ERBB4: variants seen among roughly 807,000 people sequenced by gnomAD.
ERBB4 encodes the protein erb-b2 receptor tyrosine kinase 4.
A neutral mutation model predicts 158.0 loss-of-function variants in ERBB4; 42 were observed. The ratio of observed to expected loss-of-function variants is 0.27; its 90% CI spans 0.21 to 0.34. ERBB4 has a LOEUF of 0.34. ERBB4 is among the 10% of genes least tolerant of loss of function. ERBB4 has a pLI of 1.00. For missense variants in ERBB4, 1,333 were observed against 1,624.1 expected (o/e 0.82, Z 3.08); for synonymous variants, 583 against 558.7 (o/e 1.04, Z -0.61).
intron 2 of ERBB4, among the ~76,000 whole-genome samples, chr2:211,969,743 T>C (rs2125197147): frequency 6.6e-6 from 1 of 152,198 alleles, no homozygotes; most frequent in South Asian, 2.1e-4. Flanking sequence ...AGTGGTAATA[T>C]TCCCATTGTC....
chr2:212,105,496 C>T (rs1299910276), intron 2 of ERBB4, among the ~76,000 whole-genome samples: 2 of 152,146 alleles, frequency 1.3e-5, no homozygotes, highest in Non-Finnish European at 2.9e-5. Context: ...CTTTAGCAAT[C>T]ACGCTTTTTC....
rs537300004 is a variant in ERBB4, at chr2:212,334,753, A to G, written c.82+203696T>C. Among the ~76,000 whole-genome samples, 90 of 152,168 alleles carry G rather than the reference A, an allele frequency of 5.9e-4. No homozygotes were observed. In the South Asian group the frequency reaches 7.2e-3, roughly 12 times the overall value. On this transcript the variant is annotated intron_variant, in intron 1 of 27. Coordinates refer to ENST00000342788, the MANE Select transcript of ERBB4 (RefSeq NM_005235.3). ...CTCTCAAGATTCATATTTATTAAAA[A>G]TCTGATGCCAATGAATTTAGATAAT...
intron 2 of ERBB4, among the ~76,000 whole-genome samples, chr2:211,954,208 C>A (rs1034808584): frequency 4.6e-5 from 7 of 151,966 alleles, no homozygotes; most frequent in African/African-American, 1.7e-4. Context: ...AATGTTTCTT[C>A]ATTTACCTTA....
intron 1 of ERBB4, among the ~76,000 whole-genome samples, chr2:212,513,097 TAA>T (rs1691618037): frequency 6.6e-6 from 1 of 152,242 alleles, no homozygotes; most frequent in Non-Finnish European, 1.5e-5. Flanking sequence ...TTAGTTATAC[TAA>T]GTTATTCCAG....
chr2:212,328,777 A>T (rs928633787), intron 1 of ERBB4, among the ~76,000 whole-genome samples: 1 of 151,962 alleles, frequency 6.6e-6, no homozygotes, highest in East Asian at 1.9e-4. Flanking sequence ...TTATACACTA[A>T]TTTCCCTTGT....
intron 20 of ERBB4, among the ~76,000 whole-genome samples, chr2:211,469,527 G>C (rs2064780157): frequency 6.6e-6 from 1 of 152,078 alleles, no homozygotes; most frequent in Admixed American, 6.6e-5. Context: ...AAATATATAT[G>C]TATCCTCCTA....
At chr2:211,997,025 G>A (rs968972179) in intron 2 of ERBB4, among the ~76,000 whole-genome samples, 4 of 152,180 alleles carry the variant, frequency 2.6e-5, no homozygotes, top group Non-Finnish European at 5.9e-5. Flanking sequence ...ACTGCGAAGT[G>A]AAGGATAACA....
intron 1 of ERBB4, among the ~76,000 whole-genome samples, chr2:212,313,830 G>C (rs376458425): frequency 1.3e-5 from 2 of 150,932 alleles, no homozygotes; most frequent in Non-Finnish European, 3.0e-5. Flanking sequence ...GGACCCACTT[G>C]CAACTTTCAT....
intron 4 of ERBB4, among the ~76,000 whole-genome samples, chr2:211,761,379 C>T (rs546584427): frequency 6.6e-6 from 1 of 151,982 alleles, no homozygotes; most frequent in Admixed American, 6.6e-5. Context: ...AAGAAGGATA[C>T]GTAATATATG....
intron 20 of ERBB4, among the ~76,000 whole-genome samples, chr2:211,527,563 CTG>C (rs1205035454): frequency 2.0e-5 from 3 of 151,976 alleles, no homozygotes; most frequent in Admixed American, 6.6e-5. Context: ...TAGTATAACA[CTG>C]TAACTCTGTT....
chr2:211,911,990 A>G (rs927162787), intron 3 of ERBB4, among the ~76,000 whole-genome samples: 2 of 152,096 alleles, frequency 1.3e-5, no homozygotes, highest in Non-Finnish European at 2.9e-5. Context: ...AGGGAAACAC[A>G]CCAGCCACAG....
intron 1 of ERBB4, among the ~76,000 whole-genome samples, chr2:212,192,778 G>GTTA (rs2105882299): frequency 7.7e-6 from 1 of 130,558 alleles, no homozygotes; most frequent in African/African-American, 3.1e-5. Context: ...AGTTTGCCCA[G>GTTA]TTACACTGAG....
chr2:212,456,586 G>A (rs900257256), intron 1 of ERBB4, among the ~76,000 whole-genome samples: 17 of 151,274 alleles, frequency 1.1e-4, no homozygotes, highest in Non-Finnish European at 1.9e-4. Flanking sequence ...AAGAATATGA[G>A]GTTGATTAAT....
rs770938636 is a variant in ERBB4 at position 211,386,888 on chromosome 2, C to A, written c.3446G>T (p.Gly1149Val). ...RSPRGELDEE[G>V]YMTPMRDKPK... ...TTTGTCTCGCATAGGAGTCATGTAA[C>A]CTTCCTCATCCAGCTCTCCTCGTGG... is the stretch of plus-strand genomic sequence containing the variant. The change falls in exon 27 of 28, where the codon GGT (glycine) becomes GTT (valine). Residue 1149 changes from glycine (G) to valine (V), a missense_variant. Around this residue, in one of 5 missense-constraint regions of ERBB4, gnomAD observed 252 missense variants for 241.3 expected, o/e 1.04. Coordinates refer to ENST00000342788, the MANE Select transcript of ERBB4 (RefSeq NM_005235.3). The A allele has an allele frequency of 5.0e-5, 81 of 1,614,064 alleles. No homozygotes were observed. In the Admixed American group the frequency reaches 6.3e-4, roughly 13 times the overall value.
chr2:211,963,166 G>A (rs1168413450), intron 2 of ERBB4, among the ~76,000 whole-genome samples: 1 of 152,004 alleles, frequency 6.6e-6, no homozygotes, highest in Non-Finnish European at 1.5e-5. Flanking sequence ...GAAGACATCT[G>A]GCAATGTCTG....
At chr2:211,576,526 T>C (rs906544084) in intron 19 of ERBB4, among the ~76,000 whole-genome samples, 6 of 152,200 alleles carry the variant, frequency 3.9e-5, no homozygotes, top group Non-Finnish European at 8.8e-5. Flanking sequence ...TGTTACCTTA[T>C]TAATAACTGT....
intron 1 of ERBB4, among the ~76,000 whole-genome samples, chr2:212,435,510 A>T (rs1195516450): frequency 1.3e-5 from 2 of 151,882 alleles, no homozygotes; most frequent in Non-Finnish European, 2.9e-5. Context: ...ATATCAAAAG[A>T]CTCCTGTTTA....
intron 1 of ERBB4, among the ~76,000 whole-genome samples, chr2:212,376,809 C>G (rs745605587): frequency 1.3e-5 from 2 of 151,964 alleles, no homozygotes; most frequent in Non-Finnish European, 2.9e-5. Flanking sequence ...TATCAAGAAG[C>G]AAAGCTTATA....
chr2:212,141,853 A>G (rs986207232), intron 1 of ERBB4, among the ~76,000 whole-genome samples: 4 of 152,162 alleles, frequency 2.6e-5, no homozygotes, highest in Non-Finnish European at 5.9e-5. Context: ...ATTTTATATC[A>G]GATATAAAAC....
Sources: allele counts gnomAD v4.1 joint callset (sites outside exome capture counted in the v4.1 genomes callset), GRCh38; gene constraint gnomAD v4.1.1; regional missense constraint gnomAD v4.1.1; transcripts MANE v1.5; gene names NCBI Gene and HGNC (gene_info 2026-07-23, HGNC 2026-07-21).